The following TEX9 variants were observed in gnomAD, a reference collection of about 807,000 sequenced individuals.
The protein encoded by TEX9 is testis-expressed protein 9.
In TEX9, 74 loss-of-function variants were observed where a neutral mutation model predicts 59.6. The ratio of observed to expected loss-of-function variants is 1.24; its 90% CI spans 1.03 to 1.51. The LOEUF (loss-of-function observed/expected upper bound fraction) is 1.51. Among genes scored for constraint, TEX9 ranks in the 40% most tolerant of loss-of-function variants. The probability of loss-of-function intolerance (pLI) is 0.00; values close to 1 mark genes in which losing one functional copy is unlikely to be tolerated. For synonymous variants in TEX9, 186 were observed against 152.2 expected (o/e 1.22, Z -1.64); for missense variants, 522 against 447.8 (o/e 1.17, Z -1.49).
At position 56,322,107 on chromosome 15, in the gene TEX9, C is replaced by T. The variant is rs367867337; in HGVS notation, c.-106-51334C>T. Among the ~76,000 whole-genome samples the T allele has an allele frequency of 1.1e-4, 16 of 152,064 alleles. No individual in the cohort carries two copies. The East Asian group carries it at 3.1e-3, about 29-fold the overall frequency. ...TAAAAATAAAGGGAACCATGTCCAC[C>T]TCCGAGGAAGAGTGTTCCTGTCCAA... is the stretch of plus-strand genomic sequence containing the variant. On this transcript the variant is annotated intron_variant, in intron 1 of 5. Transcript: ENST00000560827.
At chr15:56,423,227 C>G (rs764946954) in intron 10 of TEX9, among the ~76,000 whole-genome samples, 2 of 152,116 alleles carry the variant, frequency 1.3e-5, no homozygotes, top group Non-Finnish European at 2.9e-5. Flanking sequence ...ACAAATTTCC[C>G]TCTTAGCAGT....
At chr15:56,368,585 T>A (rs1479533637) in intron 2 of TEX9, among the ~76,000 whole-genome samples, 1 of 152,166 alleles carries the variant, frequency 6.6e-6, no homozygotes, top group Non-Finnish European at 1.5e-5. Flanking sequence ...TGCATTTAGC[T>A]TCTTTAATGA....
At chr15:56,365,299 A>G, upstream of TEX9, 1 of 1,050,346 alleles carries the variant, frequency 9.5e-7, no homozygotes, top group Non-Finnish European at 1.3e-6. Flanking sequence ...CTGCGAGCAA[A>G]GGCCGAGCCC....
At chr15:56,296,776 A>C (rs2045228388) in intron 1 of TEX9, among the ~76,000 whole-genome samples, 1 of 152,240 alleles carries the variant, frequency 6.6e-6, no homozygotes, top group South Asian at 2.1e-4. Flanking sequence ...CTGTATTATG[A>C]AGATCTCAAA....
chr15:56,357,001 G>C (rs1173428311), intron 1 of TEX9, among the ~76,000 whole-genome samples: 3 of 152,090 alleles, frequency 2.0e-5, no homozygotes, highest in African/African-American at 7.2e-5. Flanking sequence ...CTAATCAAAA[G>C]AGATAGGGCT....
chr15:56,368,937 C>G (rs1448097955), intron 2 of TEX9, among the ~76,000 whole-genome samples: 6 of 152,024 alleles, frequency 3.9e-5, no homozygotes, highest in African/African-American at 1.4e-4. Context: ...TCTCTTCTAA[C>G]TGGGGTGGAT....
intron 1 of TEX9, among the ~76,000 whole-genome samples, chr15:56,292,406 A>G (rs1471652097): frequency 6.6e-6 from 1 of 152,170 alleles, no homozygotes; most frequent in African/African-American, 2.4e-5. Context: ...GAAGGAAGAA[A>G]TGGTTTTGGT....
Position 56,366,678 on chromosome 15 carries a change from T to G in TEX9, c.119+1008T>G, listed in dbSNP as rs16976878. 8.7e-3 allele frequency among the ~76,000 whole-genome samples: 1,321 copies of G among 152,340 alleles called. 23 individuals are homozygous for G. Among genetic ancestry groups the G allele is most frequent in the African/African-American group, 0.03 (1,244 of 41,570 alleles). On this transcript the variant is annotated intron_variant, in intron 2 of 12. Transcript: ENST00000352903. ...ACATACCCTTATAAAAAAGTGCCTT[T>G]TAACAACTCCCTTCCGTTTTAATAT...
intron 1 of TEX9, among the ~76,000 whole-genome samples, chr15:56,304,605 G>A (rs563102709): frequency 6.6e-6 from 1 of 152,290 alleles, no homozygotes; most frequent in Non-Finnish European, 1.5e-5. Flanking sequence ...TTTATCCCAT[G>A]ATGGTCATAG....
At chr15:56,385,399 T>C (rs2142190724) in intron 4 of TEX9, among the ~76,000 whole-genome samples, 1 of 152,242 alleles carries the variant, frequency 6.6e-6, no homozygotes, top group Middle Eastern at 3.4e-3. Flanking sequence ...TGACTACTGA[T>C]ACAATTTTTC....
chr15:56,412,259 A>G (rs779658825), intron 9 of TEX9, 43 bp from the exon 10 acceptor site: 8 of 1,545,972 alleles, frequency 5.2e-6, no homozygotes, highest in African/African-American at 1.4e-5. Flanking sequence ...GGGGGAAACT[A>G]TGATATATTT....
At chr15:56,422,532 A>T (rs1239466402) in intron 10 of TEX9, among the ~76,000 whole-genome samples, 1 of 151,772 alleles carries the variant, frequency 6.6e-6, no homozygotes, top group African/African-American at 2.4e-5. Context: ...CCTCCAAGTA[A>T]TATAGCATTT....
At chr15:56,381,655 G>C (rs2047730129) in intron 3 of TEX9, among the ~76,000 whole-genome samples, 1 of 152,204 alleles carries the variant, frequency 6.6e-6, no homozygotes, top group African/African-American at 2.4e-5. Context: ...AGAATTCTCT[G>C]GGTTACCAGA....
intron 1 of TEX9, among the ~76,000 whole-genome samples, chr15:56,358,716 C>T (rs2046734611): frequency 6.6e-6 from 1 of 152,084 alleles, no homozygotes; most frequent in Non-Finnish European, 1.5e-5. Flanking sequence ...CCACCCAAAC[C>T]TCATCTTGAA....
intron 1 of TEX9, among the ~76,000 whole-genome samples, chr15:56,353,328 GC>G (rs1336852057): frequency 1.3e-5 from 2 of 152,012 alleles, no homozygotes; most frequent in African/African-American, 4.8e-5. Flanking sequence ...AAAATATTTG[GC>G]TTTGACTATT....
chr15:56,293,483 C>A (rs971312172), intron 1 of TEX9, among the ~76,000 whole-genome samples: 1 of 152,310 alleles, frequency 6.6e-6, no homozygotes. Context: ...CTGGCCTTTG[C>A]CCAACTACCA....
In TEX9 at chr15:56,429,130, G is replaced by GTTGA. The variant is rs1567144251; in HGVS notation, c.*29+659_*29+662dup. 6 of 1,600,110 alleles carry GTTGA rather than the reference G, an allele frequency of 3.7e-6. No individual in the cohort carries two copies. In the South Asian group the frequency reaches 4.5e-5, roughly 12 times the overall value. On this transcript the variant is annotated intron_variant, in intron 12 of 12. Transcript: ENST00000352903. ...TTCTCTTCACAAATTTCACTCCTTTGTTGATATACTTTCCTGAACTCTTCA... is the reference window on the plus strand; with the variant it reads ...TTCTCTTCACAAATTTCACTCCTTTGTTGATTGATATACTTTCCTGAACTCTTCA...
intron 1 of TEX9, among the ~76,000 whole-genome samples, chr15:56,244,927 C>G (rs112643568): frequency 6.6e-6 from 1 of 152,048 alleles, no homozygotes; most frequent in African/African-American, 2.4e-5. Context: ...AGGGAGGCTG[C>G]GTGGATGTAG....
the TEX9 span, among the ~76,000 whole-genome samples, chr15:56,455,857 GCTAA>G: frequency 6.6e-6 from 1 of 152,150 alleles, no homozygotes; most frequent in Non-Finnish European, 1.5e-5. Context: ...ACAAGGGATA[GCTAA>G]CTTACAGAAG....
Sources: gnomAD v4.1 joint callset for allele counts (sites outside exome capture counted in the v4.1 genomes callset) on GRCh38, gnomAD v4.1.1 for gene constraint, MANE v1.5 for transcripts, NCBI Gene and HGNC (gene_info 2026-07-23, HGNC 2026-07-21) for gene names.